SYTL2: variants seen among roughly 807,000 people sequenced by gnomAD.
The protein encoded by SYTL2 is synaptotagmin-like protein 2.
A neutral mutation model predicts 198.7 loss-of-function variants in SYTL2; 165 were observed. That is an observed-to-expected ratio of 0.83 (90% CI 0.73 to 0.94). The LOEUF (loss-of-function observed/expected upper bound fraction) is 0.94, where lower values mean the gene tolerates loss of function less well. Ranked by LOEUF, SYTL2 falls within the 40% of genes least tolerant of loss-of-function variation. The probability of loss-of-function intolerance (pLI) is 0.00; values close to 1 mark genes in which losing one functional copy is unlikely to be tolerated. For synonymous variants in SYTL2, 966 were observed against 917.7 expected (o/e 1.05, Z -0.95); for missense variants, 2,835 against 2,582.8 (o/e 1.10, Z -2.12).
chr11:85,773,839 G>A (rs2092404506), intron 1 of SYTL2, among the ~76,000 whole-genome samples: 2 of 152,160 alleles, frequency 1.3e-5, no homozygotes, highest in Non-Finnish European at 1.5e-5. Context: ...GATTTATAAT[G>A]TAATCTTTGC....
chr11:85,803,710 G>GA (rs965668483), intron 1 of SYTL2, among the ~76,000 whole-genome samples: 27 of 152,216 alleles, frequency 1.8e-4, no homozygotes, highest in Non-Finnish European at 5.9e-5. Flanking sequence ...ACTGGGTTGT[G>GA]AAAAGAGTAC....
intron 4 of SYTL2, among the ~76,000 whole-genome samples, chr11:85,738,670 A>G (rs1279826052): frequency 6.6e-6 from 1 of 152,202 alleles, no homozygotes; most frequent in Non-Finnish European, 1.5e-5. Context: ...CTTGAATGTC[A>G]TTTTTAGAAG....
Position 85,734,040 on chromosome 11 carries a change from G to T in SYTL2, c.1289C>A (p.Ala430Glu), listed in dbSNP as rs753365696. The change falls in exon 7 of 20, where the codon GCA becomes GAA. Residue 430 changes from alanine (A) to glutamate (E), a missense_variant. This residue lies in a region of SYTL2 where 2,645 missense variants were observed against 2,381.7 expected (regional missense o/e 1.11). Transcript: ENST00000359152. ...TGAATTCTCCATAGACTGTGGTCTTGCAGTTAAAACTTCTGAATGAGAATG... is the reference window on the plus strand; with the variant it reads ...TGAATTCTCCATAGACTGTGGTCTTTCAGTTAAAACTTCTGAATGAGAATG... ...GLHSHSEVLT[A>E]RPQSMENSPT... 6.2e-7 allele frequency: 1 copy of T among 1,613,960 alleles called. No homozygotes were observed.
At chr11:85,756,323 A>G (rs1315383835) in intron 2 of SYTL2, among the ~76,000 whole-genome samples, 4 of 152,182 alleles carry the variant, frequency 2.6e-5, no homozygotes, top group Admixed American at 6.5e-5. Flanking sequence ...GAGGAACAGC[A>G]TGATCCCCAC....
chr11:85,743,516 G>A (rs1038120215), intron 4 of SYTL2, among the ~76,000 whole-genome samples: 1 of 152,174 alleles, frequency 6.6e-6, no homozygotes, highest in Admixed American at 6.5e-5. Flanking sequence ...GAGAAATGCT[G>A]ACTGATTCTC....
chr11:85,704,895 T>A lies in SYTL2; in HGVS notation c.6152A>T (p.Gln2051Leu), dbSNP rs527932341. ...DLETWDWDNK[Q>L]NKQLRWYPLK... ...AGGGTACCATCTCAATTGTTTATTC[T>A]GTTTGTTATCCCAGTCCCATGTTTC... The change falls in exon 16 of 20, where the codon CAG becomes CTG. Residue 2051 changes from glutamine to leucine, a missense_variant. Gln to Leu is a moderately radical substitution (Grantham distance 113, BLOSUM62 -2). This residue lies in a region of SYTL2 where 2,645 missense variants were observed against 2,381.7 expected (regional missense o/e 1.11). Coordinates refer to ENST00000359152, the MANE Select transcript of SYTL2 (RefSeq NM_206927.4). 7 of 1,613,852 alleles carry A rather than the reference T, an allele frequency of 4.3e-6. No homozygotes were observed. In the East Asian group the frequency reaches 1.6e-4, roughly 36 times the overall value.
intron 1 of SYTL2, among the ~76,000 whole-genome samples, chr11:85,809,348 G>A (rs2093001544): frequency 6.6e-6 from 1 of 152,172 alleles, no homozygotes; most frequent in Non-Finnish European, 1.5e-5. Context: ...AGGCCTTCTA[G>A]AACAGTACTG....
At chr11:85,824,143 TA>T in the SYTL2 span, among the ~76,000 whole-genome samples, 2 of 152,168 alleles carry the variant, frequency 1.3e-5, no homozygotes, top group Non-Finnish European at 2.9e-5. Flanking sequence ...TAAAACAGTC[TA>T]ATAATATAAC....
intron 1 of SYTL2, among the ~76,000 whole-genome samples, chr11:85,802,464 C>T (rs922991558): frequency 2.6e-5 from 4 of 152,166 alleles, no homozygotes; most frequent in Non-Finnish European, 4.4e-5. Context: ...AACTCCTACT[C>T]AGCCATAGGT....
chr11:85,769,854 G>A (rs533316042), intron 1 of SYTL2, among the ~76,000 whole-genome samples: 169 of 152,310 alleles, frequency 1.1e-3, no homozygotes, highest in African/African-American at 3.9e-3. Flanking sequence ...GCACAGGCCC[G>A]TGGTGGTAGG....
At chr11:85,731,295 A>C (rs1421772779) in intron 7 of SYTL2, among the ~76,000 whole-genome samples, 1 of 152,214 alleles carries the variant, frequency 6.6e-6, no homozygotes, top group Admixed American at 6.5e-5. Context: ...AAGCAAAAAG[A>C]ACAAAGCTGG....
chr11:85,814,122 G>A (rs542569685), upstream of SYTL2, among the ~76,000 whole-genome samples: 1 of 152,274 alleles, frequency 6.6e-6, no homozygotes, highest in African/African-American at 2.4e-5. Flanking sequence ...CCTGGCCCAA[G>A]GTAAGATCTC....
intron 17 of SYTL2, among the ~76,000 whole-genome samples, 193 bp from the exon 18 acceptor site, chr11:85,698,271 AT>A (rs1168365880): frequency 1.3e-5 from 2 of 152,232 alleles, no homozygotes; most frequent in African/African-American, 4.8e-5. Flanking sequence ...CGATAGCTCT[AT>A]AAAAATAATT....
At position 85,718,775 on chromosome 11, in the gene SYTL2, C is replaced by A. The variant is rs374162746; in HGVS notation, c.5482+15G>T. The A allele has an allele frequency of 1.9e-6, 3 of 1,611,174 alleles. No individual in the cohort carries two copies. The highest frequency in any genetic ancestry group is 1.3e-5 in the African/African-American group (1 of 74,894). On this transcript the variant is annotated intron_variant, in intron 10 of 19. Coordinates refer to ENST00000359152, the MANE Select transcript of SYTL2 (RefSeq NM_206927.4). ...TAATACAAAGACAGACACGCAAATACATAAAGATATTTACCATCTTCAGCA... is the reference window on the plus strand; with the variant it reads ...TAATACAAAGACAGACACGCAAATAAATAAAGATATTTACCATCTTCAGCA...
At chr11:85,747,892 A>G (rs897293184) in intron 3 of SYTL2, among the ~76,000 whole-genome samples, 2 of 152,230 alleles carry the variant, frequency 1.3e-5, no homozygotes, top group African/African-American at 4.8e-5. Context: ...AAGTACTACC[A>G]TATGTTAAGA....
intron 1 of SYTL2, among the ~76,000 whole-genome samples, chr11:85,778,685 T>C (rs946347825): frequency 6.6e-6 from 1 of 152,206 alleles, no homozygotes; most frequent in African/African-American, 2.4e-5. Context: ...ACTATCTATT[T>C]AAAATAAGGC....
chr11:85,820,408 C>A, the SYTL2 span, among the ~76,000 whole-genome samples: 2 of 152,100 alleles, frequency 1.3e-5, no homozygotes, highest in African/African-American at 2.4e-5. Context: ...ATAAAGAACC[C>A]CTGCCTAGAG....
chr11:85,831,278 G>A, the SYTL2 span, among the ~76,000 whole-genome samples: 10 of 152,110 alleles, frequency 6.6e-5, no homozygotes, highest in Non-Finnish European at 1.3e-4. Context: ...ATTTTTCAGG[G>A]CACCACTGTG....
chr11:85,753,936 C>A (rs1288372763), intron 2 of SYTL2, among the ~76,000 whole-genome samples: 1 of 152,104 alleles, frequency 6.6e-6, no homozygotes, highest in Non-Finnish European at 1.5e-5. Context: ...GAAAAAGATT[C>A]TAAAGTGATA....
Sources: gnomAD v4.1 joint callset for allele counts (sites outside exome capture counted in the v4.1 genomes callset) on GRCh38, gnomAD v4.1.1 for gene constraint, gnomAD v4.1.1 regional missense constraint, MANE v1.5 for transcripts, NCBI Gene and HGNC (gene_info 2026-07-23, HGNC 2026-07-21) for gene names.